Variants in MAN1B1 observed in about 807,000 individuals in gnomAD.
The protein encoded by MAN1B1 is endoplasmic reticulum mannosyl-oligosaccharide 1,2-alpha-mannosidase.
A neutral mutation model predicts 75.5 loss-of-function variants in MAN1B1; 66 were observed. That is an observed-to-expected ratio of 0.87 (90% CI 0.72 to 1.07). The LOEUF is 1.07. Among genes scored for constraint, MAN1B1 ranks in the 50% least tolerant of loss-of-function variants. The pLI, the probability that MAN1B1 is intolerant of heterozygous loss-of-function variation, is 0.00. For missense variants in MAN1B1, 973 were observed against 912.5 expected (o/e 1.07, Z -0.85); for synonymous variants, 453 against 382.8 (o/e 1.18, Z -2.14).
intron 3 of MAN1B1, among the ~76,000 whole-genome samples, chr9:137,092,904 C>G (rs1003948170): frequency 6.6e-6 from 1 of 152,172 alleles, no homozygotes; most frequent in Non-Finnish European, 1.5e-5. Flanking sequence ...TGTCCGTGTC[C>G]TTTGATGAGT....
At position 137,087,231 on chromosome 9, in the gene MAN1B1, C is replaced by T. The variant is rs774677511; in HGVS notation, c.219+13C>T. 1.3e-6 allele frequency: 2 copies of T among 1,563,520 alleles called. No homozygotes were observed. Among genetic ancestry groups the T allele is most frequent in the East Asian group, 2.3e-5 (1 of 42,584 alleles). On this transcript the variant is annotated intron_variant, in intron 1 of 12. Transcript: ENST00000371589. Reference sequence around the variant, plus strand: ...CTCGTGCTGGAGGGTGAGGGTCGCGCCGGGCTGACTGGGGCCCGGGGCTGC... The same window carrying T: ...CTCGTGCTGGAGGGTGAGGGTCGCGTCGGGCTGACTGGGGCCCGGGGCTGC...
chr9:137,106,649 C>T (rs1387400421), intron 9 of MAN1B1, 40 bp from the exon 10 acceptor site: 1 of 1,612,476 alleles, frequency 6.2e-7, no homozygotes, highest in Admixed American at 1.7e-5. Context: ...GGAGCCGATG[C>T]ACCGTCCTGG....
At chr9:137,104,040 T>TA (rs1413994193) in intron 8 of MAN1B1, 6 of 457,170 alleles carry the variant, frequency 1.3e-5, no homozygotes, top group African/African-American at 1.2e-4. Context: ...TCAGTGGTGT[T>TA]ACACACATTC....
intron 1 of MAN1B1, 64 bp downstream of exon 1, chr9:137,087,282 G>C: frequency 6.6e-7 from 1 of 1,518,662 alleles, no homozygotes; most frequent in Non-Finnish European, 8.9e-7. Context: ...CCCAGACTGC[G>C]GCTCCGAGCG....
chr9:137,106,192 T>TGTTC lies in MAN1B1; in HGVS notation c.1323_1326dup (p.Ile443ValfsTer26). On this transcript the variant is annotated frameshift_variant, in exon 9 of 13. Transcript: ENST00000371589. LOFTEE classifies it high-confidence loss of function. ...GGGAAGAAGGATGGGCTGGTGCCCA[T>TGTTC]GTTCATCAATACCCACAGTGGCCTC... The TGTTC allele has an allele frequency of 6.2e-7, 1 of 1,612,424 alleles. No homozygotes were observed. Among genetic ancestry groups the TGTTC allele is most frequent in the Non-Finnish European group, 8.5e-7 (1 of 1,179,722 alleles).
At chr9:137,091,800 A>G (rs997590663) in intron 3 of MAN1B1, among the ~76,000 whole-genome samples, 6 of 151,686 alleles carry the variant, frequency 4.0e-5, no homozygotes, top group African/African-American at 1.5e-4. Context: ...TGCTGGGATT[A>G]CAGGCGTGAG....
At chr9:137,095,621 T>C (rs1321010300) in intron 3 of MAN1B1, among the ~76,000 whole-genome samples, 2 of 151,944 alleles carry the variant, frequency 1.3e-5, no homozygotes, top group African/African-American at 2.4e-5. Context: ...TAGGAGAGAA[T>C]GGATTTGCCT....
At position 137,098,734 on chromosome 9, in the gene MAN1B1, G is replaced by T. The variant is rs556788973; in HGVS notation, c.730+797G>T. ...ACATTAGTCAATGTTGGCCGGGCGT[G>T]GTGGCTCACACTTGTAATCCCAGCA... On this transcript the variant is annotated intron_variant, in intron 5 of 12. Coordinates refer to ENST00000371589, the MANE Select transcript of MAN1B1 (RefSeq NM_016219.5). Among the ~76,000 whole-genome samples, 3 of 152,234 alleles carry T rather than the reference G, an allele frequency of 2.0e-5. No homozygotes were observed. The East Asian group carries it at 5.8e-4, about 29-fold the overall frequency.
At chr9:137,107,070 G>T in intron 10 of MAN1B1, 180 bp from the exon 11 acceptor site, 1 of 776,052 alleles carries the variant, frequency 1.3e-6, no homozygotes, top group Non-Finnish European at 2.0e-6. Flanking sequence ...GTGTGTGGGG[G>T]CCGGGTTGGA....
At chr9:137,093,929 TA>T (rs1468781886) in intron 3 of MAN1B1, among the ~76,000 whole-genome samples, 3 of 152,182 alleles carry the variant, frequency 2.0e-5, no homozygotes, top group Non-Finnish European at 4.4e-5. Flanking sequence ...AAGATGATTT[TA>T]AAATTCATAT....
chr9:137,100,774 C>T (rs762768259), intron 6 of MAN1B1, among the ~76,000 whole-genome samples: 2 of 152,188 alleles, frequency 1.3e-5, no homozygotes, highest in Non-Finnish European at 2.9e-5. Flanking sequence ...CATGCGCCAC[C>T]ATACTCAGCT....
At chr9:137,088,772 T>A (rs538124143) in intron 2 of MAN1B1, 97 bp from the exon 3 acceptor site, 1 of 1,287,236 alleles carries the variant, frequency 7.8e-7, no homozygotes, top group South Asian at 1.2e-5. Context: ...AATGTTGATT[T>A]GTAATGGATA....
At chr9:137,096,123 A>G (rs1830643926) in intron 3 of MAN1B1, 114 bp from the exon 4 acceptor site, 2 of 1,109,064 alleles carry the variant, frequency 1.8e-6, no homozygotes, top group South Asian at 1.3e-5. Context: ...ATTTAGTCAG[A>G]GGTCAGAAGC....
intron 8 of MAN1B1, chr9:137,104,200 TC>T: frequency 1.8e-5 from 7 of 393,658 alleles, no homozygotes; most frequent in South Asian, 1.3e-4. Context: ...TGTGTGGAGT[TC>T]CTCGTGTGAG....
intron 3 of MAN1B1, among the ~76,000 whole-genome samples, chr9:137,090,625 C>T (rs751495673): frequency 1.7e-4 from 26 of 151,972 alleles, no homozygotes; most frequent in Non-Finnish European, 3.2e-4. Flanking sequence ...CTGCAACCTC[C>T]GCCTCCCGGG....
intron 8 of MAN1B1, chr9:137,103,459 A>G (rs1830970543): frequency 5.1e-6 from 2 of 389,450 alleles, no homozygotes; most frequent in South Asian, 3.5e-5. Flanking sequence ...GTTACACACA[A>G]CGCTGTTGCA....
chr9:137,097,150 G>A (rs1326276171), intron 4 of MAN1B1, among the ~76,000 whole-genome samples: 1 of 152,232 alleles, frequency 6.6e-6, no homozygotes, highest in Admixed American at 6.5e-5. Context: ...GCTCTAGTTA[G>A]CGTTGGCATG....
chr9:137,106,848 T>TTA (rs1189312040), intron 10 of MAN1B1, 39 bp downstream of exon 10: 2 of 1,607,924 alleles, frequency 1.2e-6, no homozygotes, highest in African/African-American at 2.7e-5. Flanking sequence ...GCCGCCCCTT[T>TTA]TACCTTGGCT....
At chr9:137,105,832 G>A (rs1296306838) in intron 8 of MAN1B1, 1 of 584,302 alleles carries the variant, frequency 1.7e-6, no homozygotes, top group African/African-American at 1.8e-5. Flanking sequence ...GTTGTCAGAT[G>A]CTGTCCCTTC....
Sources: allele counts gnomAD v4.1 joint callset (sites outside exome capture counted in the v4.1 genomes callset), GRCh38; gene constraint gnomAD v4.1.1; transcripts MANE v1.5; gene names NCBI Gene and HGNC (gene_info 2026-07-23, HGNC 2026-07-21).